Variants in GDA observed in about 807,000 individuals in gnomAD.
GDA encodes cytoplasmic PSD-95 interactor.
In GDA, 18 loss-of-function variants were observed where a neutral mutation model predicts 59.6. That is an observed-to-expected ratio of 0.30 (90% CI 0.21 to 0.45). The LOEUF (loss-of-function observed/expected upper bound fraction) is 0.45, where lower values mean the gene tolerates loss of function less well. GDA is among the 20% of genes least tolerant of loss of function. The probability of loss-of-function intolerance (pLI) is 1.00; values close to 1 mark genes in which losing one functional copy is unlikely to be tolerated. For missense variants in GDA, 427 were observed against 552.3 expected, an observed-to-expected ratio of 0.77 and a Z score of 2.27; for synonymous variants, 201 against 201.1, an observed-to-expected ratio of 1.00 and a Z score of 0.00.
chr9:72,143,988 G>C (rs376621679), intron 1 of GDA, among the ~76,000 whole-genome samples: 1 of 152,180 alleles, frequency 6.6e-6, no homozygotes, highest in Non-Finnish European at 1.5e-5. Context: ...TTGGGAGGCT[G>C]AGGAGAATGG....
chr9:72,186,475 A>T (rs978541084), intron 1 of GDA, among the ~76,000 whole-genome samples: 1 of 152,136 alleles, frequency 6.6e-6, no homozygotes, highest in Non-Finnish European at 1.5e-5. Flanking sequence ...CTTCAGAGAA[A>T]CCATCACACT....
At chr9:72,156,866 A>G (rs1482586961) in intron 1 of GDA, among the ~76,000 whole-genome samples, 1 of 152,008 alleles carries the variant, frequency 6.6e-6, no homozygotes, top group African/African-American at 2.4e-5. Context: ...CCTTTTTTGG[A>G]TACTCTCATA....
downstream of GDA, among the ~76,000 whole-genome samples, chr9:72,255,107 C>T (rs2131908047): frequency 6.6e-6 from 1 of 152,316 alleles, no homozygotes; most frequent in Non-Finnish European, 1.5e-5. Context: ...TTGAATAGTA[C>T]TGCTCCCTAC....
At chr9:72,231,062 T>A (rs1838278477) in intron 9 of GDA, 52 bp from the exon 10 acceptor site, 2 of 1,035,902 alleles carry the variant, frequency 1.9e-6, no homozygotes, top group East Asian at 4.7e-5. Flanking sequence ...AGTGTTCATC[T>A]TTTATTGGAA....
chr9:72,252,759 T>C (rs930801024), downstream of GDA, among the ~76,000 whole-genome samples: 5 of 152,198 alleles, frequency 3.3e-5, no homozygotes, highest in African/African-American at 1.2e-4. Context: ...GATCTATGTT[T>C]GAATCTAAGT....
intron 1 of GDA, among the ~76,000 whole-genome samples, chr9:72,126,228 C>T (rs954529521): frequency 1.3e-5 from 2 of 152,060 alleles, no homozygotes; most frequent in African/African-American, 4.8e-5. Context: ...AAGGCAGACC[C>T]CTTGGAGTAT....
chr9:72,142,338 G>A (rs559159241), intron 1 of GDA, among the ~76,000 whole-genome samples: 2 of 152,078 alleles, frequency 1.3e-5, no homozygotes, highest in Admixed American at 6.6e-5. Flanking sequence ...GAAACTGGCC[G>A]GGTGCGGTAG....
intron 1 of GDA, among the ~76,000 whole-genome samples, chr9:72,123,264 A>G (rs1825730125): frequency 6.9e-6 from 1 of 144,558 alleles, no homozygotes; most frequent in Non-Finnish European, 1.5e-5. Context: ...GCTCACTGCA[A>G]GCTCCGCCTC....
chr9:72,189,372 TG>T (rs1318928939), intron 1 of GDA, among the ~76,000 whole-genome samples: 4 of 151,372 alleles, frequency 2.6e-5, no homozygotes, highest in Non-Finnish European at 5.9e-5. Flanking sequence ...TTAGTAGAGA[TG>T]GGGTCTTGCT....
chr9:72,225,048 G>A (rs1268299010), intron 7 of GDA, among the ~76,000 whole-genome samples: 1 of 152,134 alleles, frequency 6.6e-6, no homozygotes, highest in Non-Finnish European at 1.5e-5. Flanking sequence ...TTGAGAGGCT[G>A]AGCCCGGCAG....
chr9:72,209,197 G>C (rs1475225364), intron 3 of GDA, among the ~76,000 whole-genome samples: 1 of 151,084 alleles, frequency 6.6e-6, no homozygotes. Flanking sequence ...TCCCTGTGCT[G>C]ACAATTCTAT....
intron 1 of GDA, among the ~76,000 whole-genome samples, chr9:72,181,474 G>A (rs1240601307): frequency 6.6e-6 from 1 of 152,014 alleles, no homozygotes; most frequent in Non-Finnish European, 1.5e-5. Context: ...ACAAGCGCCC[G>A]CCACCATGCC....
intron 1 of GDA, among the ~76,000 whole-genome samples, chr9:72,157,405 C>A (rs1172193232): frequency 2.6e-5 from 4 of 152,150 alleles, no homozygotes; most frequent in Non-Finnish European, 1.5e-5. Flanking sequence ...GGGTACTGTT[C>A]ATTGCAGCCC....
At chr9:72,140,321 A>C (rs940262056) in intron 1 of GDA, among the ~76,000 whole-genome samples, 5 of 152,288 alleles carry the variant, frequency 3.3e-5, no homozygotes, top group African/African-American at 9.6e-5. Context: ...CCTTGTGATC[A>C]TGAGGAGGGA....
chr9:72,159,297 G>C (rs908022312), intron 1 of GDA, among the ~76,000 whole-genome samples: 1 of 152,180 alleles, frequency 6.6e-6, no homozygotes, highest in African/African-American at 2.4e-5. Flanking sequence ...AGGAGGCTGA[G>C]GGGGAAGAAC....
In GDA at chr9:72,250,693, CT is replaced by C; in HGVS notation, c.*2355del. ...TGACTTTCTGAATTGTGGAGAGGCA[CT>C]TTTCCAAGCCAATCTTATTTGTCAC... On this transcript the variant is annotated 3_prime_UTR_variant, in exon 14 of 14. Coordinates refer to ENST00000358399, the MANE Select transcript of GDA (RefSeq NM_004293.5). 1 of 1,610,968 alleles carries C rather than the reference CT, an allele frequency of 6.2e-7. No homozygotes were observed. Among genetic ancestry groups the C allele is most frequent in the Middle Eastern group, 1.7e-4 (1 of 6,052 alleles).
chr9:72,119,946 T>A (rs1191794245), intron 1 of GDA, among the ~76,000 whole-genome samples: 1 of 152,200 alleles, frequency 6.6e-6, no homozygotes, highest in Non-Finnish European at 1.5e-5. Flanking sequence ...CTGTGTAAAT[T>A]GTGGAACCAC....
At chr9:72,116,175 G>A (rs12349193) in intron 1 of GDA, among the ~76,000 whole-genome samples, 6 of 151,692 alleles carry the variant, frequency 4.0e-5, no homozygotes, top group Admixed American at 1.3e-4. Flanking sequence ...GGGAGGTTGC[G>A]GTGAGCCGAG....
chr9:72,240,471 C>T (rs1839488544), intron 10 of GDA, among the ~76,000 whole-genome samples: 1 of 152,112 alleles, frequency 6.6e-6, no homozygotes, highest in South Asian at 2.1e-4. Flanking sequence ...TCTTTTGGCT[C>T]TTTAAACCAT....
Sources: gnomAD v4.1 joint callset for allele counts (sites outside exome capture counted in the v4.1 genomes callset) on GRCh38, gnomAD v4.1.1 for gene constraint, MANE v1.5 for transcripts, NCBI Gene and HGNC (gene_info 2026-07-23, HGNC 2026-07-21) for gene names.